The following OLAH variants were observed in gnomAD, a reference collection of about 807,000 sequenced individuals.
OLAH encodes the protein S-acyl fatty acid synthase thioesterase, medium chain.
In OLAH, 33 loss-of-function variants were observed where a neutral mutation model predicts 27.8. The observed-to-expected ratio is 1.19, with a 90% CI of 0.90 to 1.59. OLAH has a LOEUF of 1.59. Ranked by LOEUF, OLAH falls within the 40% of genes most tolerant of loss-of-function variation. OLAH has a pLI of 0.00. For synonymous variants in OLAH, 120 were observed against 102.9 expected, an observed-to-expected ratio of 1.17 and a Z score of -1.01; for missense variants, 359 against 310.8, an observed-to-expected ratio of 1.16 and a Z score of -1.17.
rs964071086 is a variant in OLAH at position 15,046,281 on chromosome 10, A to C, written c.-163-845A>C. On this transcript the variant is annotated intron_variant, in intron 1 of 7. Transcript: ENST00000378228. Reference sequence around the variant, plus strand: ...CAATCATTTGAACTTGAGCCACTGCACTCCAGCCTGGGCAACAGAGTGAGA... The same window carrying C: ...CAATCATTTGAACTTGAGCCACTGCCCTCCAGCCTGGGCAACAGAGTGAGA... Among the ~76,000 whole-genome samples the C allele has an allele frequency of 5.9e-5, 9 of 151,840 alleles. 1 individual carries two copies. The highest frequency in any genetic ancestry group is 1.2e-4 in the Non-Finnish European group (8 of 67,932).
intron 3 of OLAH, among the ~76,000 whole-genome samples, chr10:15,050,609 T>C (rs1844117301): frequency 6.7e-6 from 1 of 148,320 alleles, no homozygotes; most frequent in Non-Finnish European, 1.5e-5. Context: ...TAGCTTGATG[T>C]TGGCTCACTC....
chr10:15,067,768 A>G (rs897812824), intron 6 of OLAH, among the ~76,000 whole-genome samples: 5 of 152,084 alleles, frequency 3.3e-5, no homozygotes, highest in Non-Finnish European at 7.4e-5. Context: ...GCTTTTTCCA[A>G]TACAAATGAA....
chr10:15,062,767 C>T (rs1244734198), intron 4 of OLAH, among the ~76,000 whole-genome samples: 2 of 146,736 alleles, frequency 1.4e-5, no homozygotes, highest in African/African-American at 5.0e-5. Flanking sequence ...GAGACAGAGT[C>T]TCACTGTGTC....
chr10:15,048,423 G>GA (rs1844064805), intron 2 of OLAH, among the ~76,000 whole-genome samples: 1 of 152,276 alleles, frequency 6.6e-6, no homozygotes, highest in Admixed American at 6.5e-5. Flanking sequence ...TCGCCATGTT[G>GA]GCCAGGCTGG....
intron 1 of OLAH, among the ~76,000 whole-genome samples, chr10:15,037,516 G>A (rs1843859117): frequency 6.6e-6 from 1 of 150,906 alleles, no homozygotes; most frequent in South Asian, 2.1e-4. Context: ...GGAAGGCGGA[G>A]GTTGCGGTGA....
intron 1 of OLAH, among the ~76,000 whole-genome samples, chr10:15,032,730 G>T (rs1843778987): frequency 6.6e-6 from 1 of 152,104 alleles, no homozygotes; most frequent in Non-Finnish European, 1.5e-5. Context: ...TGGCCAGGAG[G>T]TGATTTCCGA....
upstream of OLAH, chr10:15,032,229 C>G (rs1843768729): frequency 6.6e-6 from 1 of 152,116 alleles, no homozygotes; most frequent in Non-Finnish European, 1.5e-5. Context: ...CATCTTTCTC[C>G]CATGCTGGAT....
intron 3 of OLAH, among the ~76,000 whole-genome samples, chr10:15,060,597 A>G (rs528054432): frequency 6.6e-6 from 1 of 152,162 alleles, no homozygotes; most frequent in African/African-American, 2.4e-5. Context: ...TTACATCTCT[A>G]CGAGTTCCAT....
At chr10:15,041,084 G>A (rs1052244620), upstream of OLAH, among the ~76,000 whole-genome samples, 1 of 152,168 alleles carries the variant, frequency 6.6e-6, no homozygotes, top group Admixed American at 6.5e-5. Flanking sequence ...TAGAGTGGGT[G>A]CAGCCCAATT....
chr10:15,048,144 A>G (rs1166182799), intron 2 of OLAH, among the ~76,000 whole-genome samples: 1 of 152,236 alleles, frequency 6.6e-6, no homozygotes, highest in Non-Finnish European at 1.5e-5. Flanking sequence ...TTTTTCAAAA[A>G]GAACTTTTCC....
At chr10:15,060,817 T>C (rs776829007) in intron 3 of OLAH, among the ~76,000 whole-genome samples, 1 of 152,184 alleles carries the variant, frequency 6.6e-6, no homozygotes, top group Non-Finnish European at 1.5e-5. Context: ...TGGTGAGTTT[T>C]GATTAGAAGT....
At position 15,057,395 on chromosome 10, in the gene OLAH, C is replaced by CTT. The variant is rs10717821; in HGVS notation, c.164-4310_164-4309dup. 1.9e-3 allele frequency among the ~76,000 whole-genome samples: 176 copies of CTT among 93,198 alleles called. 3 individuals are homozygous for CTT. Among genetic ancestry groups the CTT allele is most frequent in the East Asian group, 5.4e-3 (17 of 3,132 alleles). The allele number at this position is 93,198 out of a possible 152,430, so 61.1% of individuals were successfully genotyped here. On this transcript the variant is annotated intron_variant, in intron 3 of 7. Transcript: ENST00000378228. ...ACATGTATGTGGGTCTATTTCTGGGCTTTTTTTTTTTTTTTTTTTTGAGAT... is the reference window on the plus strand; with the variant it reads ...ACATGTATGTGGGTCTATTTCTGGGCTTTTTTTTTTTTTTTTTTTTTTGAGAT...
At chr10:15,047,938 G>C (rs1367591798) in intron 2 of OLAH, among the ~76,000 whole-genome samples, 2 of 152,128 alleles carry the variant, frequency 1.3e-5, no homozygotes, top group African/African-American at 2.4e-5. Context: ...AAAGATATCA[G>C]TTGGTGTTAG....
At chr10:15,050,830 C>A (rs1056978425) in intron 3 of OLAH, among the ~76,000 whole-genome samples, 1 of 151,678 alleles carries the variant, frequency 6.6e-6, no homozygotes, top group Admixed American at 6.6e-5. Flanking sequence ...CGTGAGCCAC[C>A]GCGCCTGGCC....
intron 1 of OLAH, among the ~76,000 whole-genome samples, chr10:15,036,719 G>A (rs906991145): frequency 1.3e-5 from 2 of 152,004 alleles, no homozygotes; most frequent in Non-Finnish European, 1.5e-5. Context: ...CGAACTCCTG[G>A]GATCAAGCAA....
Position 15,064,438 on chromosome 10 carries a change from G to T in OLAH, c.338G>T (p.Gly113Val). Residue 113 changes from glycine (G) to valine (V), a missense_variant, in exon 5 of 8, where the codon GGT becomes GTT. Physicochemically the swap from Gly to Val is moderately radical, Grantham distance 109 (BLOSUM62 -3). Coordinates refer to ENST00000378228, the MANE Select transcript of OLAH (RefSeq NM_001039702.3). ...GSYIAFRTAL[G>V]LKENNQPEPL... is the part of the protein sequence containing the mutation. ...TACATTGCTTTTAGGACTGCACTAG[G>T]TCTAAAAGAAAACAATCAACCAGAA... The T allele has an allele frequency of 6.2e-7, 1 of 1,601,326 alleles. No individual in the cohort carries two copies. The highest frequency in any genetic ancestry group is 8.5e-7 in the Non-Finnish European group (1 of 1,175,282).
intron 6 of OLAH, among the ~76,000 whole-genome samples, chr10:15,070,929 G>C (rs551263547): frequency 7.9e-5 from 12 of 151,952 alleles, no homozygotes; most frequent in Non-Finnish European, 1.0e-4. Context: ...GGAACTACAA[G>C]TACATGACAC....
At chr10:15,061,653 G>T (rs1234876012) in intron 3 of OLAH, 71 bp from the exon 4 acceptor site, 1 of 1,379,732 alleles carries the variant, frequency 7.2e-7, no homozygotes, top group African/African-American at 1.5e-5. Context: ...AGGTAAATAT[G>T]AGCCCTTTTA....
chr10:15,056,153 C>A (rs559963530), intron 3 of OLAH, among the ~76,000 whole-genome samples: 1 of 152,240 alleles, frequency 6.6e-6, no homozygotes, highest in East Asian at 1.9e-4. Context: ...TTGCTTTTCC[C>A]ACAATCTAGT....
Sources: allele counts gnomAD v4.1 joint callset (sites outside exome capture counted in the v4.1 genomes callset), GRCh38; gene constraint gnomAD v4.1.1; transcripts MANE v1.5; gene names NCBI Gene and HGNC (gene_info 2026-07-23, HGNC 2026-07-21).